ITFG1: variants seen among roughly 807,000 people sequenced by gnomAD.
ITFG1 encodes integrin alpha FG-GAP repeat containing 1, also known as T-cell immunomodulatory protein.
Under a neutral mutation model 81.8 loss-of-function variants are expected in ITFG1, and 34 were observed. The observed-to-expected ratio is 0.42, with a 90% CI of 0.32 to 0.55. The LOEUF (loss-of-function observed/expected upper bound fraction) is 0.55. Ranked by LOEUF, ITFG1 falls within the 20% of genes least tolerant of loss-of-function variation. The pLI is 0.17. For missense variants in ITFG1, 672 were observed against 755.4 expected (o/e 0.89, Z 1.29); for synonymous variants, 285 against 270.6 (o/e 1.05, Z -0.52).
At chr16:47,399,303 G>C (rs1968629761) in intron 6 of ITFG1, among the ~76,000 whole-genome samples, 1 of 152,254 alleles carries the variant, frequency 6.6e-6, no homozygotes, top group South Asian at 2.1e-4. Context: ...GCCGGGTGCA[G>C]TGGCTTACGC....
Position 47,155,706 on chromosome 16 carries a change from T to C in ITFG1, c.*13A>G. On this transcript the variant is annotated 3_prime_UTR_variant, in exon 18 of 18. Coordinates refer to ENST00000320640, the MANE Select transcript of ITFG1 (RefSeq NM_030790.5). ...AGTGAACAGCCATTCCATTATGTAA[T>C]ATTAAAGGCAAGTCACATAGCATCA... 6.3e-7 allele frequency: 1 copy of C among 1,587,756 alleles called. No homozygotes were observed. Among genetic ancestry groups the C allele is most frequent in the Non-Finnish European group, 8.6e-7 (1 of 1,161,552 alleles).
chr16:47,322,663 C>G (rs997571451), intron 8 of ITFG1, among the ~76,000 whole-genome samples: 1 of 152,194 alleles, frequency 6.6e-6, no homozygotes, highest in African/African-American at 2.4e-5. Context: ...GCACTCCAGC[C>G]TGGGCGATAC....
intron 14 of ITFG1, among the ~76,000 whole-genome samples, chr16:47,180,401 CCT>C (rs971469122): frequency 2.6e-5 from 4 of 152,010 alleles, no homozygotes; most frequent in Non-Finnish European, 5.9e-5. Context: ...TCTCCCTCTC[CCT>C]CTCTTTCCAC....
intron 6 of ITFG1, among the ~76,000 whole-genome samples, chr16:47,390,421 GA>G (rs1328093438): frequency 6.6e-6 from 1 of 152,012 alleles, no homozygotes; most frequent in Non-Finnish European, 1.5e-5. Flanking sequence ...CATAACTTCG[GA>G]ATGAAATAAA....
chr16:47,289,602 T>C (rs972897074), intron 10 of ITFG1, among the ~76,000 whole-genome samples: 1 of 152,206 alleles, frequency 6.6e-6, no homozygotes, highest in Non-Finnish European at 1.5e-5. Flanking sequence ...CATGAATTCA[T>C]CCATTTACAC....
At chr16:47,379,370 G>C (rs2151591753) in intron 6 of ITFG1, among the ~76,000 whole-genome samples, 1 of 152,240 alleles carries the variant, frequency 6.6e-6, no homozygotes, top group African/African-American at 2.4e-5. Context: ...GATACCAAAA[G>C]TGATCTGAGA....
intron 10 of ITFG1, among the ~76,000 whole-genome samples, chr16:47,276,353 A>G (rs2151548305): frequency 6.6e-6 from 1 of 152,284 alleles, no homozygotes; most frequent in Non-Finnish European, 1.5e-5. Context: ...GAGTTTTATG[A>G]AGATAATGGC....
intron 12 of ITFG1, among the ~76,000 whole-genome samples, chr16:47,255,933 T>C (rs1829767748): frequency 6.6e-6 from 1 of 152,168 alleles, no homozygotes; most frequent in Admixed American, 6.5e-5. Context: ...CCAAGAAGGA[T>C]GATGCTCGTG....
rs1453217155 is a variant in ITFG1 at position 47,286,662 on chromosome 16, C to T, written c.1070+24578G>A. 2.0e-5 allele frequency among the ~76,000 whole-genome samples: 3 copies of T among 151,934 alleles called. No individual in the cohort carries two copies. The East Asian group carries it at 5.8e-4, about 29-fold the overall frequency. On this transcript the variant is annotated intron_variant, in intron 10 of 17. Transcript: ENST00000320640. ...CCTCAAAAAAAAAAAAAGATAATTG[C>T]CAGAGAGTGTTAATAGCAAATGGCT...
At chr16:47,205,608 T>C (rs1044345628) in intron 14 of ITFG1, among the ~76,000 whole-genome samples, 3 of 152,186 alleles carry the variant, frequency 2.0e-5, no homozygotes, top group Non-Finnish European at 4.4e-5. Flanking sequence ...CTTCTAGCCT[T>C]CTGAATAAAT....
chr16:47,260,709 G>C lies in ITFG1; in HGVS notation c.1071-14C>G. On this transcript the variant is annotated splice_polypyrimidine_tract_variant and intron_variant, in intron 10 of 17. Transcript: ENST00000320640. ...GCCTGCTGGTTGCTGTGCGCCAAAG[G>C]AAAGGCATTTCGTTAATATAAACAT... 1 of 1,613,992 alleles carries C rather than the reference G, an allele frequency of 6.2e-7. No homozygotes were observed. Among genetic ancestry groups the C allele is most frequent in the Non-Finnish European group, 8.5e-7 (1 of 1,179,920 alleles).
rs1567444233 is a variant in ITFG1, at chr16:47,279,407, A to ACC, written c.1071-18713_1071-18712insGG. On this transcript the variant is annotated intron_variant, in intron 10 of 17. Transcript: ENST00000320640. ...ATAAAGACTATCTTTTCTCCATTGA[A>ACC]AAAGAGACTACACTTCTCTTAAACA... Among the ~76,000 whole-genome samples the ACC allele has an allele frequency of 8.1e-4, 123 of 152,256 alleles. 1 individual carries two copies. Among genetic ancestry groups the ACC allele is most frequent in the African/African-American group, 2.8e-3 (116 of 41,540 alleles).
At chr16:47,201,080 T>G (rs1182739874) in intron 14 of ITFG1, among the ~76,000 whole-genome samples, 3 of 152,188 alleles carry the variant, frequency 2.0e-5, no homozygotes, top group African/African-American at 7.2e-5. Context: ...CTCTACAGAT[T>G]TAATCACAGC....
At chr16:47,186,686 T>C (rs1429677554) in intron 14 of ITFG1, among the ~76,000 whole-genome samples, 2 of 152,198 alleles carry the variant, frequency 1.3e-5, no homozygotes, top group Non-Finnish European at 2.9e-5. Context: ...AAGCATTCCC[T>C]TTGAAAACAG....
rs1278902821 is a variant in ITFG1, at chr16:47,182,103, T to A, written c.1454-19439A>T. Among the ~76,000 whole-genome samples the A allele has an allele frequency of 3.9e-5, 6 of 152,092 alleles. No homozygotes were observed. In the East Asian group the frequency reaches 1.2e-3, roughly 29 times the overall value. On this transcript the variant is annotated intron_variant, in intron 14 of 17. Coordinates refer to ENST00000320640, the MANE Select transcript of ITFG1 (RefSeq NM_030790.5). ...AGATACCTTTGTTCACTTGTTTATC[T>A]GCTGACCTTCCCTCCACTATTGTCC...
At chr16:47,325,630 G>A (rs1042067643) in intron 8 of ITFG1, among the ~76,000 whole-genome samples, 1 of 152,062 alleles carries the variant, frequency 6.6e-6, no homozygotes, top group Non-Finnish European at 1.5e-5. Flanking sequence ...AATAAAAAAT[G>A]ATAAAGGGGA....
At chr16:47,455,617 A>G (rs1328549469) in intron 2 of ITFG1, among the ~76,000 whole-genome samples, 2 of 151,724 alleles carry the variant, frequency 1.3e-5, no homozygotes, top group Admixed American at 6.6e-5. Flanking sequence ...AAAAATACAA[A>G]AAGTAGCCAG....
intron 5 of ITFG1, among the ~76,000 whole-genome samples, chr16:47,447,742 A>AT: frequency 6.6e-6 from 1 of 152,330 alleles, no homozygotes; most frequent in Non-Finnish European, 1.5e-5. Context: ...TAACCACCAT[A>AT]TAAGTCATCT....
chr16:47,203,890 A>T lies in ITFG1; in HGVS notation c.1453+14978T>A, dbSNP rs1036976771. Among the ~76,000 whole-genome samples, 12 of 152,248 alleles carry T rather than the reference A, an allele frequency of 7.9e-5. No individual in the cohort carries two copies. The East Asian group carries it at 2.3e-3, about 29-fold the overall frequency. On this transcript the variant is annotated intron_variant, in intron 14 of 17. Coordinates refer to ENST00000320640, the MANE Select transcript of ITFG1 (RefSeq NM_030790.5). ...GGGCTGGAGCAGGAGGGAAATGGGG[A>T]GTTAGCGTTTAATGGGTACAGAGTT...
Sources: allele counts gnomAD v4.1 joint callset (sites outside exome capture counted in the v4.1 genomes callset), GRCh38; gene constraint gnomAD v4.1.1; transcripts MANE v1.5; gene names NCBI Gene and HGNC (gene_info 2026-07-23, HGNC 2026-07-21).